The following CLIC4 variants were observed in gnomAD, a reference collection of about 807,000 sequenced individuals.
CLIC4 encodes CLIC family member 4, also known as chloride intracellular channel protein 4.
Under a neutral mutation model 24.6 loss-of-function variants are expected in CLIC4, and 13 were observed. The observed-to-expected ratio is 0.53, with a 90% CI of 0.34 to 0.84. CLIC4 has a LOEUF of 0.84. Ranked by LOEUF, CLIC4 falls within the 40% of genes least tolerant of loss-of-function variation. CLIC4 has a pLI of 0.01. For missense variants in CLIC4, 227 were observed against 301.7 expected, an observed-to-expected ratio of 0.75 and a Z score of 1.83; for synonymous variants, 104 against 111.3, an observed-to-expected ratio of 0.93 and a Z score of 0.41.
chr1:24,760,377 AAAAAG>A (rs1161888362), intron 1 of CLIC4, among the ~76,000 whole-genome samples: 1 of 151,924 alleles, frequency 6.6e-6, no homozygotes, highest in African/African-American at 2.4e-5. Flanking sequence ...AAGAAAAAAG[AAAAAG>A]AAAAGAAAAT....
At chr1:24,799,071 T>C (rs1639441126) in intron 2 of CLIC4, among the ~76,000 whole-genome samples, 1 of 151,968 alleles carries the variant, frequency 6.6e-6, no homozygotes, top group South Asian at 2.1e-4. Context: ...CGCCACCCCA[T>C]CTGGGAAGTG....
At chr1:24,802,013 T>C (rs1183478580) in intron 2 of CLIC4, among the ~76,000 whole-genome samples, 2 of 152,178 alleles carry the variant, frequency 1.3e-5, no homozygotes, top group Non-Finnish European at 2.9e-5. Context: ...TTTCCCAATA[T>C]AACTCCTAAA....
At chr1:24,781,384 C>T (rs1169685282) in intron 1 of CLIC4, among the ~76,000 whole-genome samples, 1 of 151,558 alleles carries the variant, frequency 6.6e-6, no homozygotes, top group Non-Finnish European at 1.5e-5. Flanking sequence ...CCTCGTGATC[C>T]ATCCTCCTTG....
chr1:24,747,717 G>C (rs1162139239), intron 1 of CLIC4, among the ~76,000 whole-genome samples: 1 of 152,058 alleles, frequency 6.6e-6, no homozygotes, highest in Admixed American at 6.6e-5. Context: ...ACTTAACGGT[G>C]AAACTTTAGA....
intron 2 of CLIC4, among the ~76,000 whole-genome samples, chr1:24,809,273 TTAAA>T (rs1392376928): frequency 6.6e-6 from 1 of 152,132 alleles, no homozygotes; most frequent in Non-Finnish European, 1.5e-5. Flanking sequence ...AATGAGATAA[TTAAA>T]TAAATCTTTG....
intron 1 of CLIC4, among the ~76,000 whole-genome samples, chr1:24,745,955 G>C (rs955708167): frequency 2.0e-5 from 3 of 149,022 alleles, no homozygotes; most frequent in Admixed American, 6.6e-5. Flanking sequence ...CCAGCGCCGG[G>C]CGCGCGCGGG....
At chr1:24,799,129 C>T (rs1380452386) in intron 2 of CLIC4, among the ~76,000 whole-genome samples, 2 of 151,422 alleles carry the variant, frequency 1.3e-5, no homozygotes, top group African/African-American at 4.9e-5. Context: ...TGAGGAGCCC[C>T]TCTGCCTGGC....
chr1:24,805,620 A>C (rs557263757), intron 2 of CLIC4, among the ~76,000 whole-genome samples: 1 of 152,278 alleles, frequency 6.6e-6, no homozygotes, highest in Non-Finnish European at 1.5e-5. Flanking sequence ...GCTCCATTTA[A>C]AAGATAAGGC....
chr1:24,774,981 G>A (rs1216983670), intron 1 of CLIC4, among the ~76,000 whole-genome samples: 1 of 151,550 alleles, frequency 6.6e-6, no homozygotes, highest in Non-Finnish European at 1.5e-5. Flanking sequence ...TGAGGCGGGA[G>A]AATCGCTTGA....
intron 3 of CLIC4, among the ~76,000 whole-genome samples, chr1:24,819,108 C>CA (rs1639700515): frequency 6.6e-6 from 1 of 152,268 alleles, no homozygotes; most frequent in Admixed American, 6.5e-5. Context: ...CTCTGGTTAA[C>CA]AATCTTGTGC....
At chr1:24,779,988 A>G (rs1302010062) in intron 1 of CLIC4, among the ~76,000 whole-genome samples, 1 of 152,098 alleles carries the variant, frequency 6.6e-6, no homozygotes, top group Admixed American at 6.6e-5. Context: ...GCACCCATCA[A>G]AACCCTTCAG....
chr1:24,778,741 T>G (rs1162941039), intron 1 of CLIC4, among the ~76,000 whole-genome samples: 2 of 152,202 alleles, frequency 1.3e-5, no homozygotes, highest in African/African-American at 4.8e-5. Flanking sequence ...TAAGTAAATG[T>G]GAACAAGCAG....
In CLIC4 at chr1:24,805,107, AC is replaced by A. The variant is rs1249152355; in HGVS notation, c.182+7257del. 6.8e-3 allele frequency among the ~76,000 whole-genome samples: 220 copies of A among 32,458 alleles called. 14 individuals carry two copies. The highest frequency in any genetic ancestry group is 0.021 in the East Asian group (42 of 2,020). The allele number at this position is 32,458 out of a possible 152,430, so 21.3% of individuals were successfully genotyped here. A position where few individuals can be genotyped will look rare whatever the true frequency, so the allele number is the denominator to read the frequency against. Reference sequence around the variant, plus strand: ...ATGTCAAAAAAAAAAAAAAAAAAACACAAAAACAAAGACAAACGAATTATGG... The same window carrying A: ...ATGTCAAAAAAAAAAAAAAAAAAACAAAAAACAAAGACAAACGAATTATGG... On this transcript the variant is annotated intron_variant, in intron 2 of 5. Coordinates refer to ENST00000374379, the MANE Select transcript of CLIC4 (RefSeq NM_013943.3).
chr1:24,747,713 C>T (rs1466762821), intron 1 of CLIC4, among the ~76,000 whole-genome samples: 2 of 152,078 alleles, frequency 1.3e-5, no homozygotes, highest in African/African-American at 4.8e-5. Flanking sequence ...TGATACTTAA[C>T]GGTGAAACTT....
At chr1:24,785,854 C>CAAAAAAAAAAAAAAAAAAAAAAAA (rs61009244) in intron 1 of CLIC4, among the ~76,000 whole-genome samples, 19 of 58,836 alleles carry the variant, frequency 3.2e-4, no homozygotes, top group African/African-American at 4.8e-4. Context: ...GACTACAACT[C>CAAAAAAAAAAAAAAAAAAAAAAAA]AAAAAAAAAA....
intron 3 of CLIC4, among the ~76,000 whole-genome samples, chr1:24,818,530 G>A (rs1215931487): frequency 5.3e-5 from 8 of 152,010 alleles, no homozygotes; most frequent in Admixed American, 2.0e-4. Context: ...CAAGGTATCC[G>A]CCCACCTCGG....
intron 1 of CLIC4, among the ~76,000 whole-genome samples, chr1:24,785,149 TATTTAG>T (rs1639252651): frequency 2.0e-5 from 3 of 151,298 alleles, no homozygotes; most frequent in African/African-American, 7.3e-5. Context: ...ATGTGGAAGA[TATTTAG>T]ATTTTTTTCC....
At chr1:24,811,657 A>T (rs1214605832) in intron 2 of CLIC4, among the ~76,000 whole-genome samples, 1 of 152,088 alleles carries the variant, frequency 6.6e-6, no homozygotes, top group Non-Finnish European at 1.5e-5. Context: ...AAATTTTTTT[A>T]TAGAGATGGG....
chr1:24,761,722 A>G (rs1189697191), intron 1 of CLIC4, among the ~76,000 whole-genome samples: 1 of 152,150 alleles, frequency 6.6e-6, no homozygotes, highest in Non-Finnish European at 1.5e-5. Context: ...GGCAATAAGG[A>G]CAACTATTTG....
Sources: allele counts gnomAD v4.1 joint callset (sites outside exome capture counted in the v4.1 genomes callset), GRCh38; gene constraint gnomAD v4.1.1; transcripts MANE v1.5; gene names NCBI Gene and HGNC (gene_info 2026-07-23, HGNC 2026-07-21).